Variants in UNC13C observed in about 807,000 individuals in gnomAD.
UNC13C encodes the protein unc-13 homolog C.
UNC13C carries 174 observed loss-of-function variants against 245.4 expected under a neutral mutation model. That is an observed-to-expected ratio of 0.71 (90% CI 0.63 to 0.80). The LOEUF is 0.80. Ranked by LOEUF, UNC13C falls within the 30% of genes least tolerant of loss-of-function variation. The pLI is 0.00. For synonymous variants in UNC13C, 992 were observed against 895.1 expected (o/e 1.11, Z -1.93); for missense variants, 2,829 against 2,602.9 (o/e 1.09, Z -1.89).
the UNC13C span, among the ~76,000 whole-genome samples, chr15:53,928,830 T>C: frequency 6.6e-6 from 1 of 152,226 alleles, no homozygotes; most frequent in Non-Finnish European, 1.5e-5. Flanking sequence ...CAAAAGATTA[T>C]GTCAGTGGAA....
chr15:54,348,897 CTTTTCTT>C (rs2038919021), intron 17 of UNC13C, among the ~76,000 whole-genome samples: 1 of 151,862 alleles, frequency 6.6e-6, no homozygotes, highest in Admixed American at 6.6e-5. Flanking sequence ...ATGTCCCTGA[CTTTTCTT>C]AGATATTTTT....
intron 10 of UNC13C, among the ~76,000 whole-genome samples, chr15:54,275,458 G>C (rs1398873535): frequency 6.6e-6 from 1 of 151,778 alleles, no homozygotes; most frequent in East Asian, 1.9e-4. Flanking sequence ...TGAACCACTT[G>C]AATATTTTTT....
chr15:54,157,439 C>T (rs1440296726), intron 4 of UNC13C, among the ~76,000 whole-genome samples: 1 of 152,116 alleles, frequency 6.6e-6, no homozygotes, highest in East Asian at 1.9e-4. Context: ...ATCTAGCACA[C>T]ATAGAAAATA....
chr15:54,213,010 A>G (rs1488536456), intron 4 of UNC13C, among the ~76,000 whole-genome samples: 1 of 152,058 alleles, frequency 6.6e-6, no homozygotes, highest in East Asian at 1.9e-4. Flanking sequence ...TTGTTTTTCA[A>G]TTTTTAGAGA....
intron 18 of UNC13C, among the ~76,000 whole-genome samples, chr15:54,398,502 C>T (rs1355084415): frequency 6.6e-6 from 1 of 151,062 alleles, no homozygotes; most frequent in Non-Finnish European, 1.5e-5. Flanking sequence ...TATAATTTGC[C>T]AAAAGAGTTT....
intron 30 of UNC13C, among the ~76,000 whole-genome samples, chr15:54,585,193 G>C (rs367547004): frequency 3.3e-5 from 5 of 152,302 alleles, no homozygotes; most frequent in South Asian, 2.1e-4. Context: ...TGGAGGTAGG[G>C]CCTGCTGGCA....
At chr15:54,346,022 G>A (rs946905127) in intron 17 of UNC13C, among the ~76,000 whole-genome samples, 1 of 152,112 alleles carries the variant, frequency 6.6e-6, no homozygotes, top group Non-Finnish European at 1.5e-5. Flanking sequence ...CTTCTAGCTG[G>A]ATTTGGTGTT....
intron 28 of UNC13C, 72 bp downstream of exon 28, chr15:54,549,763 C>T (rs1896652521): frequency 1.1e-6 from 1 of 926,722 alleles, no homozygotes; most frequent in Non-Finnish European, 1.7e-6. Flanking sequence ...GCATCCTCCT[C>T]CTAGTAATAG....
intron 25 of UNC13C, among the ~76,000 whole-genome samples, chr15:54,527,480 A>T (rs535247243): frequency 8.5e-5 from 13 of 152,362 alleles, no homozygotes; most frequent in African/African-American, 3.1e-4. Context: ...ATATAAGTAA[A>T]GTATATTTAA....
chr15:54,346,027 G>T (rs2038852127), intron 17 of UNC13C, among the ~76,000 whole-genome samples: 1 of 152,046 alleles, frequency 6.6e-6, no homozygotes, highest in African/African-American at 2.4e-5. Flanking sequence ...AGCTGGATTT[G>T]GTGTTTCGGT....
At chr15:53,933,141 C>A in the UNC13C span, among the ~76,000 whole-genome samples, 2 of 152,134 alleles carry the variant, frequency 1.3e-5, no homozygotes, top group Non-Finnish European at 2.9e-5. Context: ...TAGTTCAGAT[C>A]CTTATCATCT....
chr15:54,620,081 CTA>C (rs1490714912), intron 30 of UNC13C, among the ~76,000 whole-genome samples: 1 of 152,130 alleles, frequency 6.6e-6, no homozygotes, highest in Non-Finnish European at 1.5e-5. Context: ...GTTCTCAAGA[CTA>C]TGTTTGACCT....
At chr15:54,390,873 C>T (rs550232727) in intron 17 of UNC13C, among the ~76,000 whole-genome samples, 25 of 151,900 alleles carry the variant, frequency 1.6e-4, no homozygotes, top group African/African-American at 3.6e-4. Flanking sequence ...TATTACAATA[C>T]GCTATTAAAG....
intron 4 of UNC13C, among the ~76,000 whole-genome samples, chr15:54,216,898 A>G (rs1402529043): frequency 1.3e-5 from 2 of 151,964 alleles, no homozygotes; most frequent in Non-Finnish European, 2.9e-5. Flanking sequence ...GATCATGACA[A>G]CACAAGAACT....
the UNC13C span, among the ~76,000 whole-genome samples, chr15:53,940,157 G>A: frequency 6.6e-6 from 1 of 152,076 alleles, no homozygotes; most frequent in Non-Finnish European, 1.5e-5. Context: ...CTTAGATAAG[G>A]GCTTAGAAAT....
the UNC13C span, among the ~76,000 whole-genome samples, chr15:53,935,073 G>A: frequency 6.6e-6 from 1 of 152,064 alleles, no homozygotes; most frequent in African/African-American, 2.4e-5. Context: ...CAACCAGGAA[G>A]TTTAATTATA....
chr15:54,425,222 A>T (rs1399415219), intron 19 of UNC13C, among the ~76,000 whole-genome samples: 1 of 151,820 alleles, frequency 6.6e-6, no homozygotes, highest in East Asian at 1.9e-4. Context: ...CTCACAATTC[A>T]CTATGTAGAT....
At chr15:53,916,962 C>A in the UNC13C span, among the ~76,000 whole-genome samples, 1 of 152,112 alleles carries the variant, frequency 6.6e-6, no homozygotes, top group African/African-American at 2.4e-5. Context: ...GTTACAGGTT[C>A]TTTGAATATA....
At chr15:54,235,745 G>A (rs764687118) in intron 5 of UNC13C, among the ~76,000 whole-genome samples, 2 of 152,158 alleles carry the variant, frequency 1.3e-5, no homozygotes, top group African/African-American at 2.4e-5. Flanking sequence ...CAGCTACTCT[G>A]GAGGCTGAGG....
Sources: gnomAD v4.1 joint callset for allele counts (sites outside exome capture counted in the v4.1 genomes callset) on GRCh38, gnomAD v4.1.1 for gene constraint, MANE v1.5 for transcripts, NCBI Gene and HGNC (gene_info 2026-07-23, HGNC 2026-07-21) for gene names.